Variants in IGFBP3 observed in about 807,000 individuals in gnomAD.
IGFBP3 encodes insulin like growth factor binding protein 3.
IGFBP3 carries 9 observed loss-of-function variants against 28.6 expected under a neutral mutation model. That is an observed-to-expected ratio of 0.31 (90% CI 0.19 to 0.55). The LOEUF (loss-of-function observed/expected upper bound fraction) is 0.55. Ranked by LOEUF, IGFBP3 falls within the 20% of genes least tolerant of loss-of-function variation. The pLI, the probability that IGFBP3 is intolerant of heterozygous loss-of-function variation, is 0.93. For synonymous variants in IGFBP3, 185 were observed against 188.2 expected (o/e 0.98, Z 0.14); for missense variants, 382 against 428.9 (o/e 0.89, Z 0.97).
Position 45,917,372 on chromosome 7 carries a change from C to T in IGFBP3, c.471G>A (p.Thr157=), listed in dbSNP as rs1784622773. 2 of 1,613,862 alleles carry T rather than the reference C, an allele frequency of 1.2e-6. No homozygotes were observed. The highest frequency in any genetic ancestry group is 1.7e-4 in the Middle Eastern group (1 of 6,050). Reference sequence around the variant, plus strand: ...GGAACTTGGGATCAGACACCCGGTGCGTGCTGGAGACGGACGGGCTCTCCA... The same window carrying T: ...GGAACTTGGGATCAGACACCCGGTGTGTGCTGGAGACGGACGGGCTCTCCA... ...GSVESPSVSS[T]HRVSDPKFHP... The change falls in exon 2 of 5, where the codon ACG becomes ACA. Residue 157 remains threonine (T), a synonymous_variant. Transcript: ENST00000613132.
Position 45,913,627 on chromosome 7 carries a change from G to T in IGFBP3, c.*223C>A, listed in dbSNP as rs958678040. The stretch of plus-strand genomic sequence containing the variant: ...AGGAAGCGACAAGAAAATTCAAACT[G>T]CTCTTTGCTGACTACTGGAAAGTGA... On this transcript the variant is annotated 3_prime_UTR_variant, in exon 5 of 5. Coordinates refer to ENST00000613132, the MANE Select transcript of IGFBP3 (RefSeq NM_000598.5). 6.6e-6 allele frequency: 1 copy of T among 152,086 alleles called. No individual in the cohort carries two copies. Among genetic ancestry groups the T allele is most frequent in the Non-Finnish European group, 1.5e-5 (1 of 68,024 alleles). The allele number at this position is 152,086 out of a possible 1,614,324, so 9.4% of individuals were successfully genotyped here.
chr7:45,920,680 C>T, intron 1 of IGFBP3, 58 bp downstream of exon 1: 2 of 1,312,414 alleles, frequency 1.5e-6, no homozygotes, highest in East Asian at 3.1e-5. Flanking sequence ...AACCCCCAGG[C>T]CCTTCGGCGC....
intron 4 of IGFBP3, chr7:45,914,229 T>C (rs1373155917): frequency 1.3e-5 from 2 of 152,212 alleles, no homozygotes; most frequent in African/African-American, 2.4e-5. Flanking sequence ...TCTAAAATTA[T>C]CGTTTAAAAT....
At chr7:45,916,106 A>G (rs1237319856) in intron 3 of IGFBP3, among the ~76,000 whole-genome samples, 1 of 152,188 alleles carries the variant, frequency 6.6e-6, no homozygotes, top group Non-Finnish European at 1.5e-5. Context: ...AGGAAAGGGG[A>G]CGATTGTGGG....
intron 1 of IGFBP3, chr7:45,920,099 G>A (rs1397937829): frequency 6.6e-6 from 1 of 152,088 alleles, no homozygotes; most frequent in East Asian, 1.9e-4. Context: ...TACTGAAAGT[G>A]GCACGCGGAG....
chr7:45,915,549 C>T (rs562892255), intron 3 of IGFBP3, among the ~76,000 whole-genome samples: 1 of 152,244 alleles, frequency 6.6e-6, no homozygotes. Flanking sequence ...TGAAATAGTG[C>T]CATCACATAA....
chr7:45,920,472 C>T (rs910200874), intron 1 of IGFBP3: 2 of 380,290 alleles, frequency 5.3e-6, no homozygotes, highest in Non-Finnish European at 9.3e-6. Flanking sequence ...CCCTCAGCTC[C>T]GGAAACCTTT....
At chr7:45,916,743 G>A in intron 2 of IGFBP3, 76 bp from the exon 3 acceptor site, 1 of 1,501,740 alleles carries the variant, frequency 6.7e-7, no homozygotes, top group Non-Finnish European at 9.2e-7. Context: ...ATCTTACGAT[G>A]CTGCACAACT....
At chr7:45,917,018 C>T in intron 2 of IGFBP3, 195 bp downstream of exon 2, 1 of 595,792 alleles carries the variant, frequency 1.7e-6, no homozygotes, top group East Asian at 2.8e-5. Context: ...CAGCTTGATC[C>T]TCATAAGATT....
chr7:45,918,469 G>T (rs1162437083), intron 1 of IGFBP3, among the ~76,000 whole-genome samples: 5 of 152,194 alleles, frequency 3.3e-5, no homozygotes, highest in Non-Finnish European at 5.9e-5. Context: ...TCCTTCTTCA[G>T]AATGAACTTG....
At chr7:45,920,586 T>A in intron 1 of IGFBP3, 152 bp downstream of exon 1, 1 of 748,406 alleles carries the variant, frequency 1.3e-6, no homozygotes, top group Non-Finnish European at 1.9e-6. Flanking sequence ...GCGACCGCCT[T>A]CACCTTTCCC....
In IGFBP3 at chr7:45,914,869, G is replaced by T. The variant is rs1244460726; in HGVS notation, c.827C>A (p.Thr276Asn). The change falls in exon 4 of 5, where the codon ACC (threonine) becomes AAC (asparagine). Residue 276 changes from threonine (T) to asparagine (N), a missense_variant. By Grantham distance (65) the Thr-to-Asn change is moderately conservative. Coordinates refer to ENST00000613132, the MANE Select transcript of IGFBP3 (RefSeq NM_000598.5). ...GTGCACGTCCTCCTTCCCCTTGGTG[G>T]TGTAGCCTGGGAGAGGCTGCCCATA... ...DKYGQPLPGYTTKGKEDVHCY... is the reference protein window; with the variant it reads ...DKYGQPLPGYNTKGKEDVHCY... The T allele has an allele frequency of 6.2e-7, 1 of 1,614,084 alleles. No homozygotes were observed. Among genetic ancestry groups the T allele is most frequent in the South Asian group, 1.1e-5 (1 of 91,090 alleles).
At chr7:45,916,714 T>C in intron 2 of IGFBP3, 47 bp from the exon 3 acceptor site, 2 of 1,582,730 alleles carry the variant, frequency 1.3e-6, no homozygotes, top group Non-Finnish European at 1.7e-6. Context: ...GTTTTTACTC[T>C]AGAATGTGTG....
chr7:45,914,204 G>A (rs1784578440), intron 4 of IGFBP3: 1 of 151,938 alleles, frequency 6.6e-6, no homozygotes, highest in African/African-American at 2.4e-5. Context: ...AAGAAGACTG[G>A]ATATAATAGC....
chr7:45,919,102 C>G (rs1355447742), intron 1 of IGFBP3, among the ~76,000 whole-genome samples: 1 of 152,106 alleles, frequency 6.6e-6, no homozygotes, highest in African/African-American at 2.4e-5. Flanking sequence ...TTCTTAATGC[C>G]TGGGCTGCAG....
chr7:45,920,498 A>G (rs1194972709), intron 1 of IGFBP3: 1 of 397,442 alleles, frequency 2.5e-6, no homozygotes, highest in East Asian at 3.7e-5. Context: ...ATTTTCACTG[A>G]AAGCGCTTTG....
In IGFBP3 at chr7:45,920,842, T is replaced by A. The variant is rs1055384529; in HGVS notation, c.299A>T (p.Glu100Val). The A allele has an allele frequency of 3.5e-6, 5 of 1,411,750 alleles. No individual in the cohort carries two copies. Among genetic ancestry groups the A allele is most frequent in the Non-Finnish European group, 4.6e-6 (5 of 1,091,080 alleles). 87.5% of individuals were successfully genotyped at this position (1,411,750 alleles called of 1,614,324 possible). A position where few individuals can be genotyped will look rare whatever the true frequency, so the allele number is the denominator to read the frequency against. Residue 100 changes from glutamate to valine, a missense_variant, in exon 1 of 5, where the codon GAG (glutamate) becomes GTG (valine). By Grantham distance (121) the Glu-to-Val change is moderately radical. Coordinates refer to ENST00000613132, the MANE Select transcript of IGFBP3 (RefSeq NM_000598.5). ...SGLRCQPSPDEARPLQALLDG... is the reference protein window; with the variant it reads ...SGLRCQPSPDVARPLQALLDG... ...CAGCAGCGCCTGCAGCGGTCGCGCC[T>A]CGTCGGGCGACGGCTGGCAGCGAAG...
At chr7:45,914,218 C>A (rs1455832539) in intron 4 of IGFBP3, 3 of 152,102 alleles carry the variant, frequency 2.0e-5, no homozygotes, top group African/African-American at 7.2e-5. Context: ...TAATAGCATT[C>A]TCTAAAATTA....
Position 45,917,237 on chromosome 7 carries a change from G to A in IGFBP3, c.606C>T (p.Ser202=), listed in dbSNP as rs745480305. 1.7e-5 allele frequency: 27 copies of A among 1,613,508 alleles called. No individual in the cohort carries two copies. In the South Asian group the frequency reaches 2.5e-4, roughly 15 times the overall value. Reference sequence around the variant, plus strand: ...CATATTCTGTCTCCCGCTTGGACTCGGAGGAGAAGTTCTGGGTATCTGTGC... The same window carrying A: ...CATATTCTGTCTCCCGCTTGGACTCAGAGGAGAAGTTCTGGGTATCTGTGC... The part of the protein sequence containing the change: ...SQSTDTQNFS[S]ESKRETEYGP... Residue 202 remains serine (S), a synonymous_variant, in exon 2 of 5, where the codon TCC becomes TCT. Coordinates refer to ENST00000613132, the MANE Select transcript of IGFBP3 (RefSeq NM_000598.5).
Sources: gnomAD v4.1 joint callset for allele counts (sites outside exome capture counted in the v4.1 genomes callset) on GRCh38, gnomAD v4.1.1 for gene constraint, MANE v1.5 for transcripts, NCBI Gene and HGNC (gene_info 2026-07-23, HGNC 2026-07-21) for gene names.